ZNF774: variants seen among roughly 807,000 people sequenced by gnomAD.
The protein encoded by ZNF774 is zinc finger protein 774.
Under a neutral mutation model 11.1 loss-of-function variants are expected in ZNF774, and 14 were observed. The observed-to-expected ratio is 1.26, with a 90% CI of 0.83 to 1.97. ZNF774 has a LOEUF of 1.97. Ranked by LOEUF, ZNF774 falls within the 30% of genes most tolerant of loss-of-function variation. ZNF774 has a pLI of 0.00. For synonymous variants in ZNF774, 195 were observed against 212.6 expected, an observed-to-expected ratio of 0.92 and a Z score of 0.72; for missense variants, 599 against 587.0, an observed-to-expected ratio of 1.02 and a Z score of -0.21.
At chr15:90,359,408 G>C (rs1478361700) in intron 3 of ZNF774, among the ~76,000 whole-genome samples, 4 of 151,796 alleles carry the variant, frequency 2.6e-5, no homozygotes. Flanking sequence ...ATGGTCAGTA[G>C]TTGACTAAAT....
Position 90,361,615 on chromosome 15 carries a change from C to T in ZNF774, c.*332C>T, listed in dbSNP as rs879857183. The T allele has an allele frequency of 8.7e-6, 7 of 801,340 alleles. No homozygotes were observed. Among genetic ancestry groups the T allele is most frequent in the African/African-American group, 1.8e-5 (1 of 54,996 alleles). 49.6% of individuals were successfully genotyped at this position (801,340 alleles called of 1,614,324 possible). On this transcript the variant is annotated 3_prime_UTR_variant, in exon 4 of 4. Transcript: ENST00000354377. ...ATCACTTGAGGTCAGGAGTTGAGAC[C>T]AGCCTGGTGAGCATGGTGAAACCTC... is the stretch of plus-strand genomic sequence containing the variant.
chr15:90,353,650 C>T (rs1055105331), intron 1 of ZNF774, among the ~76,000 whole-genome samples: 4 of 150,688 alleles, frequency 2.7e-5, no homozygotes, highest in African/African-American at 9.8e-5. Flanking sequence ...GGCTGGGGTG[C>T]AGTGGCGCCA....
intron 3 of ZNF774, among the ~76,000 whole-genome samples, chr15:90,359,483 C>A (rs1233289861): frequency 6.6e-6 from 1 of 151,894 alleles, no homozygotes; most frequent in African/African-American, 2.4e-5. Context: ...GAGATGGAGT[C>A]TCCCTCTGTC....
In ZNF774 at chr15:90,361,379, A is replaced by G; in HGVS notation, c.*96A>G. 1 of 1,501,734 alleles carries G rather than the reference A, an allele frequency of 6.7e-7. No individual in the cohort carries two copies. Among genetic ancestry groups the G allele is most frequent in the African/African-American group, 1.4e-5 (1 of 71,748 alleles). 93.0% of individuals were successfully genotyped at this position (1,501,734 alleles called of 1,614,324 possible). ...GAGAAAACCTGGGCGTCAGTGGCTCAATTTGGGCCCTGATCTATTCTCCCT... is the reference window on the plus strand; with the variant it reads ...GAGAAAACCTGGGCGTCAGTGGCTCGATTTGGGCCCTGATCTATTCTCCCT... On this transcript the variant is annotated 3_prime_UTR_variant, in exon 4 of 4. Transcript: ENST00000354377.
chr15:90,358,467 AT>A (rs1198924687), intron 2 of ZNF774, among the ~76,000 whole-genome samples: 1 of 152,128 alleles, frequency 6.6e-6, no homozygotes, highest in Non-Finnish European at 1.5e-5. Flanking sequence ...TTCTGGGAAA[AT>A]TTTAAAGCCC....
chr15:90,356,201 C>A (rs1964247670), intron 2 of ZNF774, among the ~76,000 whole-genome samples: 1 of 150,278 alleles, frequency 6.7e-6, no homozygotes, highest in African/African-American at 2.4e-5. Flanking sequence ...TCACTGCAAC[C>A]TCTGCCTCCT....
Position 90,352,380 on chromosome 15 carries a change from T to A in ZNF774, c.-51T>A, listed in dbSNP as rs1964185075. ...GCGGCTCGGCGGTGGAGGACTCACT[T>A]CCTGCTCCATCCCCGGCTGGGCCCT... On this transcript the variant is annotated 5_prime_UTR_variant, in exon 1 of 4. Coordinates refer to ENST00000354377, the MANE Select transcript of ZNF774 (RefSeq NM_001004309.3). 1.3e-5 allele frequency: 2 copies of A among 152,476 alleles called. No homozygotes were observed. The highest frequency in any genetic ancestry group is 4.1e-4 in the South Asian group (2 of 4,836). The allele number at this position is 152,476 out of a possible 1,614,324, so 9.4% of individuals were successfully genotyped here. A position where few individuals can be genotyped will look rare whatever the true frequency, so the allele number is the denominator to read the frequency against.
rs1964219342 is a variant in ZNF774 at position 90,354,688 on chromosome 15, G to A, written c.28G>A (p.Gly10Arg). 3 of 1,611,180 alleles carry A rather than the reference G, an allele frequency of 1.9e-6. No homozygotes were observed. Among genetic ancestry groups the A allele is most frequent in the African/African-American group, 1.3e-5 (1 of 74,900 alleles). MWLGTSGKS[G>R]LPGHCLENPL... ...GTGGCTGGGGACTTCAGGGAAGAGT[G>A]GGTTACCTGGACACTGCTTAGAGAA... The change falls in exon 2 of 4, where the codon GGG becomes AGG. Residue 10 changes from glycine to arginine, a missense_variant. By Grantham distance (125) the Gly-to-Arg change is moderately radical. Transcript: ENST00000354377.
intron 2 of ZNF774, chr15:90,355,540 T>C (rs1596229061): frequency 2.4e-6 from 1 of 416,906 alleles, no homozygotes; most frequent in East Asian, 7.2e-5. Flanking sequence ...CTGGCCAACA[T>C]GATGAAACCC....
Position 90,361,385 on chromosome 15 carries a change from G to A in ZNF774, c.*102G>A. 1 of 1,498,950 alleles carries A rather than the reference G, an allele frequency of 6.7e-7. No individual in the cohort carries two copies. Among genetic ancestry groups the A allele is most frequent in the African/African-American group, 1.4e-5 (1 of 71,634 alleles). 92.9% of individuals were successfully genotyped at this position (1,498,950 alleles called of 1,614,324 possible). On this transcript the variant is annotated 3_prime_UTR_variant, in exon 4 of 4. Transcript: ENST00000354377. ...ACCTGGGCGTCAGTGGCTCAATTTGGGCCCTGATCTATTCTCCCTCTTTCT... is the reference window on the plus strand; with the variant it reads ...ACCTGGGCGTCAGTGGCTCAATTTGAGCCCTGATCTATTCTCCCTCTTTCT...
intron 2 of ZNF774, among the ~76,000 whole-genome samples, 197 bp downstream of exon 2, chr15:90,354,961 A>AT (rs1964224173): frequency 2.0e-5 from 3 of 151,916 alleles, no homozygotes; most frequent in African/African-American, 7.3e-5. Context: ...TGCCTAGCTA[A>AT]TTTTTTGTGT....
At position 90,362,818 on chromosome 15, in the gene ZNF774, A is replaced by G. The variant is rs1266050755; in HGVS notation, c.*1535A>G. On this transcript the variant is annotated 3_prime_UTR_variant, in exon 4 of 4. Transcript: ENST00000354377. ...GGTTAACTATAAATGTAATATCTCT[A>G]TGTTATAATTCTGTTGCTAATGTCT... is the stretch of plus-strand genomic sequence containing the variant. 10 of 435,582 alleles carry G rather than the reference A, an allele frequency of 2.3e-5. No individual in the cohort carries two copies. In the East Asian group the frequency reaches 2.7e-4, roughly 12 times the overall value. 27.0% of individuals were successfully genotyped at this position (435,582 alleles called of 1,614,324 possible).
At position 90,358,953 on chromosome 15, in the gene ZNF774, C is replaced by T. The variant is rs1332236256; in HGVS notation, c.207C>T (p.His69=). ...FEARKIPRES[H]TDCEHQVAKL... is the part of the protein sequence containing the mutation. ...CGAGGAAGATCCCGAGGGAAAGCCA[C>T]ACAGGTGAGATGTGAGTGCTCCCCA... Residue 69 remains histidine (H), a synonymous_variant, in exon 3 of 4, where the codon CAC becomes CAT. Coordinates refer to ENST00000354377, the MANE Select transcript of ZNF774 (RefSeq NM_001004309.3). 6.2e-7 allele frequency: 1 copy of T among 1,611,974 alleles called. No individual in the cohort carries two copies. Among genetic ancestry groups the T allele is most frequent in the Admixed American group, 1.7e-5 (1 of 59,930 alleles).
rs1964313888 is a variant in ZNF774, at chr15:90,360,493, C to T, written c.662C>T (p.Thr221Ile). 3.1e-6 allele frequency: 5 copies of T among 1,613,902 alleles called. No homozygotes were observed. Among genetic ancestry groups the T allele is most frequent in the Non-Finnish European group, 4.2e-6 (5 of 1,180,014 alleles). Residue 221 changes from threonine to isoleucine, a missense_variant, in exon 4 of 4, where the codon ACA becomes ATA. By Grantham distance (89) the Thr-to-Ile change is moderately conservative. Transcript: ENST00000354377. ...GCEKKFSDSS[T>I]LIKHQRTHTG... ...GAGAAGAAATTCAGCGACAGCTCAA[C>T]ACTCATCAAACATCAGAGAACCCAC... is the stretch of plus-strand genomic sequence containing the variant.
chr15:90,360,514 C>A lies in ZNF774; in HGVS notation c.683C>A (p.Thr228Asn), dbSNP rs781617948. ...DSSTLIKHQR[T>N]HTGERPYECP... ...TCAACACTCATCAAACATCAGAGAACCCACACAGGGGAGAGACCCTATGAG... is the reference window on the plus strand; with the variant it reads ...TCAACACTCATCAAACATCAGAGAAACCACACAGGGGAGAGACCCTATGAG... Residue 228 changes from threonine to asparagine, a missense_variant, in exon 4 of 4, where the codon ACC becomes AAC. Thr to Asn is a moderately conservative substitution (Grantham distance 65). Coordinates refer to ENST00000354377, the MANE Select transcript of ZNF774 (RefSeq NM_001004309.3). 6.2e-7 allele frequency: 1 copy of A among 1,613,864 alleles called. No individual in the cohort carries two copies. The highest frequency in any genetic ancestry group is 8.5e-7 in the Non-Finnish European group (1 of 1,180,020).
intron 1 of ZNF774, among the ~76,000 whole-genome samples, chr15:90,353,095 G>A (rs895814066): frequency 6.6e-6 from 1 of 151,962 alleles, no homozygotes; most frequent in Non-Finnish European, 1.5e-5. Context: ...AGCCTCCCAA[G>A]TAGTTGGGAT....
In ZNF774 at chr15:90,362,839, T is replaced by C. The variant is rs1357726730; in HGVS notation, c.*1556T>C. ...CTCTATGTTATAATTCTGTTGCTAATGTCTTTTTTCCAAGAAAATTTTGGC... is the reference window on the plus strand; with the variant it reads ...CTCTATGTTATAATTCTGTTGCTAACGTCTTTTTTCCAAGAAAATTTTGGC... On this transcript the variant is annotated 3_prime_UTR_variant, in exon 4 of 4. Coordinates refer to ENST00000354377, the MANE Select transcript of ZNF774 (RefSeq NM_001004309.3). The C allele has an allele frequency of 7.7e-6, 3 of 387,384 alleles. No homozygotes were observed. Among genetic ancestry groups the C allele is most frequent in the Admixed American group, 4.2e-5 (1 of 23,922 alleles). The allele number at this position is 387,384 out of a possible 1,614,324, so 24.0% of individuals were successfully genotyped here.
intron 2 of ZNF774, among the ~76,000 whole-genome samples, chr15:90,356,448 T>C (rs1389952889): frequency 6.6e-6 from 1 of 152,074 alleles, no homozygotes; most frequent in East Asian, 1.9e-4. Flanking sequence ...CCGCTGGCCT[T>C]GGCCTCCCAA....
At chr15:90,359,061 AT>A (rs758679594) in intron 3 of ZNF774, 104 bp downstream of exon 3, 62,740 of 393,536 alleles carry the variant, frequency 0.16, 75 homozygotes, top group South Asian at 0.22. Flanking sequence ...ACTAGCAGAC[AT>A]TTTTTTTTTT....
Sources: gnomAD v4.1 joint callset for allele counts (sites outside exome capture counted in the v4.1 genomes callset) on GRCh38, gnomAD v4.1.1 for gene constraint, MANE v1.5 for transcripts, NCBI Gene and HGNC (gene_info 2026-07-23, HGNC 2026-07-21) for gene names.